MCRIP2: variants seen among roughly 807,000 people sequenced by gnomAD.
The protein encoded by MCRIP2 is MAPK regulated co-repressor interacting protein 2.
In MCRIP2, 21 loss-of-function variants were observed where a neutral mutation model predicts 23.2. The observed-to-expected ratio is 0.90, with a 90% confidence interval of 0.64 to 1.30. MCRIP2 has a LOEUF of 1.30. MCRIP2 is among the 50% of genes most tolerant of loss of function. MCRIP2 has a pLI of 0.00. For synonymous variants in MCRIP2, 121 were observed against 100.2 expected (o/e 1.21, Z -1.24); for missense variants, 234 against 223.2 (o/e 1.05, Z -0.31).
chr16:644,530 A>G (rs2037429725), intron 2 of MCRIP2, among the ~76,000 whole-genome samples: 1 of 151,600 alleles, frequency 6.6e-6, no homozygotes, highest in African/African-American at 2.4e-5. Flanking sequence ...TGCAGCCTCA[A>G]CCTCCCAGGT....
chr16:644,315 C>T lies in MCRIP2; in HGVS notation c.182+2066C>T, dbSNP rs556452887. On this transcript the variant is annotated intron_variant, in intron 2 of 4. Coordinates refer to ENST00000307650, the MANE Select transcript of MCRIP2 (RefSeq NM_138418.4). Reference sequence around the variant, plus strand: ...AGGCTGGTCTCAAACTCCCTACCTCCGGTGATGCGCCCACCTCGGCCTCCC... The same window carrying T: ...AGGCTGGTCTCAAACTCCCTACCTCTGGTGATGCGCCCACCTCGGCCTCCC... 5.3e-5 allele frequency among the ~76,000 whole-genome samples: 8 copies of T among 152,126 alleles called. 1 individual carries two copies. In the East Asian group the frequency reaches 1.2e-3, roughly 22 times the overall value.
chr16:641,943 A>AGGGGCCGGATCTGGCCG lies in MCRIP2; in HGVS notation c.-40_-24dup. The AGGGGCCGGATCTGGCCG allele has an allele frequency of 4.7e-6, 6 of 1,279,192 alleles. No homozygotes were observed. The highest frequency in any genetic ancestry group is 1.6e-5 in the African/African-American group (1 of 63,960). 79.2% of individuals were successfully genotyped at this position (1,279,192 alleles called of 1,614,324 possible). On this transcript the variant is annotated 5_prime_UTR_variant, in exon 1 of 5. Coordinates refer to ENST00000307650, the MANE Select transcript of MCRIP2 (RefSeq NM_138418.4). ...GTCCGTTAAGTGCGAGCCCCGGCGC[A>AGGGGCCGGATCTGGCCG]GGGGCCGGATCTGGCCGGGGGCCGG...
intron 4 of MCRIP2, 109 bp downstream of exon 4, chr16:647,993 C>A: frequency 1.7e-6 from 2 of 1,192,382 alleles, no homozygotes; most frequent in Non-Finnish European, 2.4e-6. Context: ...GACTCTTGTG[C>A]AGAAACCCCT....
At position 642,100 on chromosome 16, in the gene MCRIP2, C is replaced by T; in HGVS notation, c.53-20C>T. The T allele has an allele frequency of 7.5e-7, 1 of 1,328,252 alleles. No individual in the cohort carries two copies. Among genetic ancestry groups the T allele is most frequent in the East Asian group, 3.2e-5 (1 of 31,004 alleles). 82.3% of individuals were successfully genotyped at this position (1,328,252 alleles called of 1,614,324 possible). ...CGGGGCGGGGCGCGGCGGCGGCTGA[C>T]CGCCCCCCGGTGCCCGCAGGTCCCA... On this transcript the variant is annotated intron_variant, in intron 1 of 4. Coordinates refer to ENST00000307650, the MANE Select transcript of MCRIP2 (RefSeq NM_138418.4).
At chr16:644,950 T>G (rs2037439986) in intron 2 of MCRIP2, among the ~76,000 whole-genome samples, 1 of 151,968 alleles carries the variant, frequency 6.6e-6, no homozygotes, top group African/African-American at 2.4e-5. Flanking sequence ...AACCTTGGTT[T>G]GTTTTTTTAA....
At chr16:647,997 A>C (rs769158333) in intron 4 of MCRIP2, 113 bp downstream of exon 4, 4 of 1,188,820 alleles carry the variant, frequency 3.4e-6, no homozygotes, top group Non-Finnish European at 4.7e-6. Flanking sequence ...CTTGTGCAGA[A>C]ACCCCTTCTT....
rs140456076 is a variant in MCRIP2, at chr16:647,517, G to C, written c.283G>C (p.Glu95Gln). Residue 95 changes from glutamate to glutamine, a missense_variant, in exon 3 of 5, where the codon GAG becomes CAG. Coordinates refer to ENST00000307650, the MANE Select transcript of MCRIP2 (RefSeq NM_138418.4). The stretch of plus-strand genomic sequence containing the variant: ...CCAGGAGACCTACACAGTGGCCCAC[G>C]AGGAGAATGTCCGCTTTGTGTCCGA... ...GTQETYTVAH[E>Q]ENVRFVSEAW... The C allele has an allele frequency of 6.2e-7, 1 of 1,612,794 alleles. No individual in the cohort carries two copies. The highest frequency in any genetic ancestry group is 1.3e-5 in the African/African-American group (1 of 75,068).
chr16:642,198 C>G lies in MCRIP2; in HGVS notation c.131C>G (p.Pro44Arg), dbSNP rs11551691. The G allele has an allele frequency of 1.5e-6, 2 of 1,320,264 alleles. No homozygotes were observed. Among genetic ancestry groups the G allele is most frequent in the African/African-American group, 3.1e-5 (2 of 64,628 alleles). 81.8% of individuals were successfully genotyped at this position (1,320,264 alleles called of 1,614,324 possible). A position where few individuals can be genotyped will look rare whatever the true frequency, so the allele number is the denominator to read the frequency against. The change falls in exon 2 of 5, where the codon CCC (proline) becomes CGC (arginine). Residue 44 changes from proline to arginine, a missense_variant. Coordinates refer to ENST00000307650, the MANE Select transcript of MCRIP2 (RefSeq NM_138418.4). The part of the protein sequence containing the change: ...CRQPAPPTSQ[P>R]PRAQPFAQPP... ...CAGCCCGCGCCGCCGACCTCGCAGC[C>G]CCCGCGGGCGCAGCCCTTTGCGCAG...
chr16:647,628 C>T, intron 3 of MCRIP2, 84 bp downstream of exon 3: 1 of 1,570,324 alleles, frequency 6.4e-7, no homozygotes. Context: ...CAAGCTGACC[C>T]ACAGCCGCTG....
intron 2 of MCRIP2, 117 bp downstream of exon 2, chr16:642,366 C>T: frequency 9.9e-7 from 1 of 1,010,598 alleles, no homozygotes; most frequent in Non-Finnish European, 1.2e-6. Context: ...GTGCTGCAGG[C>T]GGGGCGGGCG....
intron 2 of MCRIP2, chr16:642,805 C>G (rs1181495586): frequency 1.3e-5 from 2 of 152,296 alleles, no homozygotes; most frequent in African/African-American, 4.8e-5. Flanking sequence ...AGCCTCAGTC[C>G]GGCCACTGTG....
At chr16:647,949 C>T in intron 4 of MCRIP2, 65 bp downstream of exon 4, 1 of 1,243,864 alleles carries the variant, frequency 8.0e-7, no homozygotes, top group Non-Finnish European at 1.1e-6. Flanking sequence ...GACCCAGGCC[C>T]TGCCAGGTTC....
chr16:642,371 C>T, intron 2 of MCRIP2, 122 bp downstream of exon 2: 1 of 956,048 alleles, frequency 1.0e-6, no homozygotes. Context: ...GCAGGCGGGG[C>T]GGGCGCTCCG....
At position 641,986 on chromosome 16, in the gene MCRIP2, C is replaced by A; in HGVS notation, c.-6C>A. The stretch of plus-strand genomic sequence containing the variant: ...GGGGCCGGCGGCGGTGTGGGAGCGG[C>A]GCGTCATGTACACCATCACCAAGGG... On this transcript the variant is annotated 5_prime_UTR_variant, in exon 1 of 5. Transcript: ENST00000307650. 7.6e-7 allele frequency: 1 copy of A among 1,318,042 alleles called. No individual in the cohort carries two copies. Among genetic ancestry groups the A allele is most frequent in the South Asian group, 2.0e-5 (1 of 49,670 alleles). The allele number at this position is 1,318,042 out of a possible 1,614,324, so 81.6% of individuals were successfully genotyped here.
At chr16:644,188 C>A (rs1046174621) in intron 2 of MCRIP2, among the ~76,000 whole-genome samples, 1 of 152,230 alleles carries the variant, frequency 6.6e-6, no homozygotes, top group African/African-American at 2.4e-5. Context: ...TTCAAGCGAT[C>A]CTCCTGCCTC....
chr16:647,726 T>G, intron 3 of MCRIP2, 57 bp from the exon 4 acceptor site: 2 of 1,518,686 alleles, frequency 1.3e-6, no homozygotes, highest in Middle Eastern at 1.7e-4. Context: ...CATCAGGCCC[T>G]GGGTGGGCGA....
At position 648,393 on chromosome 16, in the gene MCRIP2, T is replaced by G; in HGVS notation, c.*203T>G. ...GGCCGAACCCGTCTGACCTCAGCCC[T>G]GCTCACTGTGCCCAGGGACCAGCGA... is the stretch of plus-strand genomic sequence containing the variant. On this transcript the variant is annotated 3_prime_UTR_variant, in exon 5 of 5. Transcript: ENST00000307650. The G allele has an allele frequency of 1.7e-6, 1 of 599,180 alleles. No homozygotes were observed. Among genetic ancestry groups the G allele is most frequent in the East Asian group, 2.9e-5 (1 of 35,070 alleles). 37.1% of individuals were successfully genotyped at this position (599,180 alleles called of 1,614,324 possible). A position where few individuals can be genotyped will look rare whatever the true frequency, so the allele number is the denominator to read the frequency against.
intron 2 of MCRIP2, chr16:642,599 C>T (rs2037375902): frequency 1.3e-5 from 2 of 158,462 alleles, no homozygotes; most frequent in Non-Finnish European, 2.8e-5. Context: ...TCGCGGAGAG[C>T]GTCGGGCGCT....
At position 647,669 on chromosome 16, in the gene MCRIP2, C is replaced by T. The variant is rs537603003; in HGVS notation, c.311-114C>T. 1.1e-4 allele frequency: 172 copies of T among 1,526,804 alleles called. No homozygotes were observed. The African/African-American group carries it at 1.9e-3, about 17-fold the overall frequency. The allele number at this position is 1,526,804 out of a possible 1,614,324, so 94.6% of individuals were successfully genotyped here. ...CTGTGCTTTTCCTTGGCACTCTGCC[C>T]TTGTGTCCTGTGACCAGCCCTGTGT... On this transcript the variant is annotated intron_variant, in intron 3 of 4. Coordinates refer to ENST00000307650, the MANE Select transcript of MCRIP2 (RefSeq NM_138418.4).
Sources: allele counts gnomAD v4.1 joint callset (sites outside exome capture counted in the v4.1 genomes callset), GRCh38; gene constraint gnomAD v4.1.1; transcripts MANE v1.5; gene names NCBI Gene and HGNC (gene_info 2026-07-23, HGNC 2026-07-21).